FANCM: variants seen among roughly 807,000 people sequenced by gnomAD.
FANCM encodes the protein Fanconi anemia group M protein.
A neutral mutation model predicts 199.5 loss-of-function variants in FANCM; 140 were observed. The ratio of observed to expected loss-of-function variants is 0.70; its 90% confidence interval spans 0.61 to 0.81. The LOEUF (loss-of-function observed/expected upper bound fraction) is 0.81. Ranked by LOEUF, FANCM falls within the 30% of genes least tolerant of loss-of-function variation. The pLI is 0.00. For synonymous variants in FANCM, 840 were observed against 836.8 expected, an observed-to-expected ratio of 1.00 and a Z score of -0.07; for missense variants, 2,410 against 2,421.4, an observed-to-expected ratio of 1.00 and a Z score of 0.10.
At chr14:45,172,909 T>G (rs984438327) in intron 12 of FANCM, 146 bp from the exon 13 acceptor site, 40 of 635,848 alleles carry the variant, frequency 6.3e-5, no homozygotes, top group Admixed American at 4.5e-4. Context: ...ATTATTTTCT[T>G]TTTTTCTTCT....
intron 2 of FANCM, among the ~76,000 whole-genome samples, chr14:45,138,831 T>C (rs971506500): frequency 6.6e-6 from 1 of 152,152 alleles, no homozygotes; most frequent in Admixed American, 6.5e-5. Flanking sequence ...CAGATATACA[T>C]TCCAATAGGT....
chr14:45,161,664 A>C (rs1175121442), intron 9 of FANCM, among the ~76,000 whole-genome samples: 1 of 152,144 alleles, frequency 6.6e-6, no homozygotes, highest in Admixed American at 6.5e-5. Flanking sequence ...CTGTAGTTTC[A>C]GCTACCTGGG....
rs778377621 is a variant in FANCM, at chr14:45,151,403, G to C, written c.925G>C (p.Glu309Gln). 6 of 1,613,682 alleles carry C rather than the reference G, an allele frequency of 3.7e-6. No homozygotes were observed. The highest frequency in any genetic ancestry group is 1.1e-5 in the South Asian group (1 of 91,068). The stretch of plus-strand genomic sequence containing the variant: ...ATTGCTTTTAAATTTGCAGATTTTG[G>C]AATCATTTGCTCGTTCTTTGATTCA... ...AIQKTYIQIL[E>Q]SFARSLIQRN... The change falls in exon 5 of 23, where the codon GAA (glutamate) becomes CAA (glutamine). Residue 309 changes from glutamate (E) to glutamine (Q), a missense_variant. By Grantham distance (29) the Glu-to-Gln change is conservative (BLOSUM62 2). Transcript: ENST00000267430.
At chr14:45,182,641 G>A (rs1412806175) in intron 16 of FANCM, among the ~76,000 whole-genome samples, 4 of 152,180 alleles carry the variant, frequency 2.6e-5, no homozygotes, top group Non-Finnish European at 2.9e-5. Flanking sequence ...CCAGTTTATA[G>A]CTGATAGCTA....
At chr14:45,153,772 C>T (rs530304982) in intron 5 of FANCM, 148 bp from the exon 6 acceptor site, 6 of 681,334 alleles carry the variant, frequency 8.8e-6, no homozygotes, top group East Asian at 5.2e-5. Flanking sequence ...AATAACCAAT[C>T]GGTTATAGCA....
In FANCM at chr14:45,135,985, C is replaced by T; in HGVS notation, c.-47C>T. The stretch of plus-strand genomic sequence containing the variant: ...GATCGGAACCGTAGCGGTTGAGCTG[C>T]TGCTGCTACGGATATCTGACAGAAG... On this transcript the variant is annotated 5_prime_UTR_variant, in exon 1 of 23. Coordinates refer to ENST00000267430, the MANE Select transcript of FANCM (RefSeq NM_020937.4). 6.2e-7 allele frequency: 1 copy of T among 1,606,996 alleles called. No homozygotes were observed. Among genetic ancestry groups the T allele is most frequent in the South Asian group, 1.1e-5 (1 of 90,900 alleles).
chr14:45,160,036 T>A (rs1887483704), intron 9 of FANCM, among the ~76,000 whole-genome samples: 1 of 149,880 alleles, frequency 6.7e-6, no homozygotes, highest in Non-Finnish European at 1.5e-5. Flanking sequence ...AATCTTACTC[T>A]GTTGCCCAGG....
At chr14:45,161,318 G>A (rs1400185160) in intron 9 of FANCM, among the ~76,000 whole-genome samples, 3 of 152,100 alleles carry the variant, frequency 2.0e-5, no homozygotes, top group Non-Finnish European at 4.4e-5. Context: ...ATTGTACATT[G>A]TCCATTTATT....
intron 11 of FANCM, among the ~76,000 whole-genome samples, chr14:45,169,741 T>C (rs566538924): frequency 1.3e-5 from 2 of 152,318 alleles, no homozygotes; most frequent in East Asian, 3.9e-4. Context: ...TGCTCTCATC[T>C]GTATTAGCCA....
In FANCM at chr14:45,196,566, C is replaced by T; in HGVS notation, c.5716+19C>T. ...AAAACAGGTTTGTATTTTTAAATAT[C>T]TTTGTTTATAAGACTGTAAAGGAAC... On this transcript the variant is annotated intron_variant, in intron 21 of 22. Coordinates refer to ENST00000267430, the MANE Select transcript of FANCM (RefSeq NM_020937.4). The T allele has an allele frequency of 6.2e-7, 1 of 1,608,320 alleles. No homozygotes were observed. The highest frequency in any genetic ancestry group is 8.5e-7 in the Non-Finnish European group (1 of 1,177,946).
At chr14:45,194,383 GTAA>G (rs887263690) in intron 20 of FANCM, among the ~76,000 whole-genome samples, 4 of 151,636 alleles carry the variant, frequency 2.6e-5, no homozygotes, top group African/African-American at 9.7e-5. Context: ...TTGTACAAAG[GTAA>G]TAATTAAAAA....
At chr14:45,161,282 T>G (rs953753627) in intron 9 of FANCM, among the ~76,000 whole-genome samples, 6 of 152,246 alleles carry the variant, frequency 3.9e-5, no homozygotes, top group Non-Finnish European at 8.8e-5. Context: ...AGCTGTTTTA[T>G]TTTGAAACGA....
chr14:45,179,022 A>C (rs934669663), intron 14 of FANCM, among the ~76,000 whole-genome samples: 2 of 152,038 alleles, frequency 1.3e-5, no homozygotes, highest in South Asian at 4.2e-4. Context: ...AACATGATGA[A>C]ACCCCGTCTC....
At chr14:45,186,069 C>A (rs143519530) in intron 18 of FANCM, among the ~76,000 whole-genome samples, 1 of 152,046 alleles carries the variant, frequency 6.6e-6, no homozygotes, top group African/African-American at 2.4e-5. Flanking sequence ...ATTTTTTTGG[C>A]CTTTTGTAGA....
chr14:45,181,707 T>G lies in FANCM; in HGVS notation c.4386+2T>G. On this transcript the variant is annotated splice_donor_variant, in intron 16 of 22. Transcript: ENST00000267430. LOFTEE classifies it high-confidence loss of function. Reference sequence around the variant, plus strand: ...AAGCGCAGATTTCCTATAAACAGAGTAAGTAAATACCAGGTAATGTATAGT... The same window carrying G: ...AAGCGCAGATTTCCTATAAACAGAGGAAGTAAATACCAGGTAATGTATAGT... 1 of 1,585,616 alleles carries G rather than the reference T, an allele frequency of 6.3e-7. No individual in the cohort carries two copies. The highest frequency in any genetic ancestry group is 8.7e-7 in the Non-Finnish European group (1 of 1,155,430).
chr14:45,193,180 C>G (rs1889870433), intron 20 of FANCM, among the ~76,000 whole-genome samples: 1 of 152,132 alleles, frequency 6.6e-6, no homozygotes, highest in Non-Finnish European at 1.5e-5. Flanking sequence ...GACCACAGAT[C>G]AGGAAGGAAA....
chr14:45,176,638 T>C lies in FANCM; in HGVS notation c.3884T>C (p.Ile1295Thr), dbSNP rs1290396239. Residue 1295 changes from isoleucine (I) to threonine (T), a missense_variant, in exon 14 of 23, where the codon ATT (isoleucine) becomes ACT (threonine). Ile to Thr is a moderately conservative substitution (Grantham distance 89). Coordinates refer to ENST00000267430, the MANE Select transcript of FANCM (RefSeq NM_020937.4). ...HSKNFTSGTV[I>T]IPSNEDMQNP... Reference sequence around the variant, plus strand: ...AAAAATTTTACTAGTGGAACTGTTATTATCCCATCAAATGAAGATATGCAG... The same window carrying C: ...AAAAATTTTACTAGTGGAACTGTTACTATCCCATCAAATGAAGATATGCAG... 4 of 1,613,650 alleles carry C rather than the reference T, an allele frequency of 2.5e-6. No individual in the cohort carries two copies. The highest frequency in any genetic ancestry group is 3.4e-6 in the Non-Finnish European group (4 of 1,179,770).
At chr14:45,170,797 C>T (rs1390465831) in intron 12 of FANCM, 51 bp downstream of exon 12, 1 of 1,439,360 alleles carries the variant, frequency 6.9e-7, no homozygotes, top group Non-Finnish European at 9.8e-7. Flanking sequence ...CATTTTAATG[C>T]CAGAACCCCT....
In FANCM at chr14:45,188,858, G is replaced by A. The variant is rs770911187; in HGVS notation, c.4836G>A (p.Glu1612=). ...ATAGTTTTTGTGTTGATGAAGAGGA[G>A]TCTTGCAAAGGCCAATCAAGTGAAG... ...LEDSFCVDEE[E]SCKGQSSEEE... Residue 1612 remains glutamate, a synonymous_variant, in exon 20 of 23, where the codon GAG becomes GAA. Coordinates refer to ENST00000267430, the MANE Select transcript of FANCM (RefSeq NM_020937.4). 1.2e-6 allele frequency: 2 copies of A among 1,613,664 alleles called. No individual in the cohort carries two copies. The highest frequency in any genetic ancestry group is 1.3e-5 in the African/African-American group (1 of 75,010).
Sources: allele counts gnomAD v4.1 joint callset (sites outside exome capture counted in the v4.1 genomes callset), GRCh38; gene constraint gnomAD v4.1.1; transcripts MANE v1.5; gene names NCBI Gene and HGNC (gene_info 2026-07-23, HGNC 2026-07-21).